PDXDC1: variants seen among roughly 807,000 people sequenced by gnomAD.
PDXDC1 encodes pyridoxal dependent decarboxylase domain containing 1.
Under a neutral mutation model 100.1 loss-of-function variants are expected in PDXDC1, and 42 were observed. The observed-to-expected ratio is 0.42, with a 90% confidence interval of 0.33 to 0.54. The LOEUF is 0.54. PDXDC1 is among the 20% of genes least tolerant of loss of function. The pLI is 0.10. For synonymous variants in PDXDC1, 260 were observed against 371.7 expected (o/e 0.70, Z 3.46); for missense variants, 636 against 979.2 (o/e 0.65, Z 4.68).
intron 16 of PDXDC1, among the ~76,000 whole-genome samples, chr16:15,069,004 TAC>T (rs2045104398): frequency 6.6e-6 from 1 of 152,204 alleles, no homozygotes. Context: ...CATTAATTTA[TAC>T]AAAGAAAAGC....
chr16:14,996,936 A>T (rs1280721811), intron 1 of PDXDC1, among the ~76,000 whole-genome samples: 4 of 152,292 alleles, frequency 2.6e-5, no homozygotes, highest in Admixed American at 6.5e-5. Context: ...CTTTGTTATC[A>T]TAAGTGATCT....
intron 16 of PDXDC1, among the ~76,000 whole-genome samples, chr16:15,068,777 G>A (rs1304115613): frequency 2.0e-5 from 3 of 152,016 alleles, no homozygotes; most frequent in East Asian, 1.9e-4. Context: ...CTCAACGGAC[G>A]GCAAATTTAG....
At chr16:15,097,639 C>T (rs1181465231) in intron 16 of PDXDC1, among the ~76,000 whole-genome samples, 3 of 148,438 alleles carry the variant, frequency 2.0e-5, no homozygotes, top group Admixed American at 6.7e-5. Flanking sequence ...GAGACTCCGT[C>T]TCCAAAAAAA....
chr16:15,127,402 G>A (rs531833035), intron 16 of PDXDC1: 16 of 1,288,790 alleles, frequency 1.2e-5, no homozygotes, highest in South Asian at 2.5e-5. Context: ...GGAAAGTGGC[G>A]GCTCTGGGCA....
intron 16 of PDXDC1, among the ~76,000 whole-genome samples, chr16:15,050,964 A>C (rs2044269568): frequency 6.6e-6 from 1 of 152,210 alleles, no homozygotes; most frequent in African/African-American, 2.4e-5. Context: ...GTCAGTGAGA[A>C]ACAGGTGTGA....
chr16:15,127,811 A>G (rs1226216736), intron 16 of PDXDC1: 9 of 1,561,860 alleles, frequency 5.8e-6, no homozygotes, highest in East Asian at 2.4e-5. Context: ...GGCCGGTCCC[A>G]TATGGAGAGC....
chr16:15,140,872 C>A (rs2048462204), downstream of PDXDC1, among the ~76,000 whole-genome samples: 1 of 152,236 alleles, frequency 6.6e-6, no homozygotes, highest in East Asian at 1.9e-4. Flanking sequence ...CCCCTGCTCC[C>A]CAGGACCCCG....
chr16:15,034,684 C>T, intron 21 of PDXDC1, 131 bp downstream of exon 21: 1 of 717,690 alleles, frequency 1.4e-6, no homozygotes, highest in Non-Finnish European at 2.4e-6. Context: ...GTGGGCCGGA[C>T]ATCTGAGGAG....
intron 16 of PDXDC1, among the ~76,000 whole-genome samples, chr16:15,097,636 C>T (rs1246265320): frequency 2.0e-5 from 3 of 149,000 alleles, no homozygotes; most frequent in Non-Finnish European, 3.0e-5. Context: ...AGTGAGACTC[C>T]GTCTCCAAAA....
intron 16 of PDXDC1, among the ~76,000 whole-genome samples, chr16:15,050,094 T>C (rs2044238334): frequency 6.6e-6 from 1 of 152,166 alleles, no homozygotes; most frequent in South Asian, 2.1e-4. Context: ...AAAAACAAAA[T>C]GGATAAGGCA....
At chr16:15,039,560 T>C (rs1015570904), downstream of PDXDC1, among the ~76,000 whole-genome samples, 2 of 152,230 alleles carry the variant, frequency 1.3e-5, no homozygotes, top group Non-Finnish European at 2.9e-5. Context: ...GTTAATTAAA[T>C]TGTTCCAGCA....
intron 16 of PDXDC1, chr16:15,092,569 G>C: frequency 6.2e-7 from 1 of 1,613,382 alleles, no homozygotes; most frequent in Non-Finnish European, 8.5e-7. Context: ...TTTTTCTTGG[G>C]GGAGAATTGA....
intron 16 of PDXDC1, chr16:15,125,783 G>A (rs1186573574): frequency 6.8e-7 from 1 of 1,469,658 alleles, no homozygotes; most frequent in South Asian, 1.1e-5. Flanking sequence ...TGCCCGGCAG[G>A]TGTGGGGCTC....
intron 16 of PDXDC1, among the ~76,000 whole-genome samples, chr16:15,072,367 A>G (rs1471585829): frequency 6.6e-6 from 1 of 152,184 alleles, no homozygotes; most frequent in African/African-American, 2.4e-5. Flanking sequence ...AAGGAAATAC[A>G]GTTAATTACC....
At chr16:15,013,315 C>T (rs34369693) in intron 8 of PDXDC1, among the ~76,000 whole-genome samples, 32,307 of 136,964 alleles carry the variant, frequency 0.24, 1,883 homozygotes, top group East Asian at 0.47. Context: ...TGCTACTGCA[C>T]TTCAGCCTGG....
At chr16:15,127,031 G>A (rs1598207434) in intron 16 of PDXDC1, 9 of 345,486 alleles carry the variant, frequency 2.6e-5, no homozygotes, top group East Asian at 2.3e-4. Context: ...ACTCAGATCC[G>A]CCCACCTCGG....
chr16:15,078,822 T>TG (rs1279165990), intron 16 of PDXDC1, among the ~76,000 whole-genome samples: 1 of 150,436 alleles, frequency 6.6e-6, no homozygotes, highest in East Asian at 1.9e-4. Context: ...CTTTTTTTTT[T>TG]TTTTTTTGAG....
intron 8 of PDXDC1, among the ~76,000 whole-genome samples, chr16:15,010,708 TGCAG>T (rs1291339034): frequency 1.3e-5 from 2 of 152,282 alleles, no homozygotes; most frequent in African/African-American, 4.8e-5. Flanking sequence ...AAACTTTGTT[TGCAG>T]GCATGATTGT....
At chr16:15,089,525 G>A (rs1418549002) in intron 16 of PDXDC1, among the ~76,000 whole-genome samples, 1 of 152,132 alleles carries the variant, frequency 6.6e-6, no homozygotes, top group Non-Finnish European at 1.5e-5. Flanking sequence ...CACTGGCCGG[G>A]CGTGGTTACT....
Sources: allele counts gnomAD v4.1 joint callset (sites outside exome capture counted in the v4.1 genomes callset), GRCh38; gene constraint gnomAD v4.1.1; transcripts MANE v1.5; gene names NCBI Gene and HGNC (gene_info 2026-07-23, HGNC 2026-07-21).